WDR7: variants seen among roughly 807,000 people sequenced by gnomAD.
The protein encoded by WDR7 is WD repeat-containing protein 7.
WDR7 carries 46 observed loss-of-function variants against 169.4 expected under a neutral mutation model. That is an observed-to-expected ratio of 0.27 (90% confidence interval 0.21 to 0.35). The LOEUF (loss-of-function observed/expected upper bound fraction) is 0.35, where lower values mean the gene tolerates loss of function less well. Ranked by LOEUF, WDR7 falls within the 10% of genes least tolerant of loss-of-function variation. WDR7 has a pLI of 1.00. For missense variants in WDR7, 1,534 were observed against 1,859.3 expected (o/e 0.83, Z 3.22); for synonymous variants, 612 against 666.8 (o/e 0.92, Z 1.27).
At chr18:56,686,403 T>C (rs1009856052) in intron 6 of WDR7, among the ~76,000 whole-genome samples, 2 of 152,214 alleles carry the variant, frequency 1.3e-5, no homozygotes, top group South Asian at 4.1e-4. Flanking sequence ...AGTCATCTAT[T>C]TCAGTTCTTT....
chr18:56,967,193 A>ATGCTC (rs2047421965), intron 26 of WDR7, among the ~76,000 whole-genome samples: 1 of 151,674 alleles, frequency 6.6e-6, no homozygotes, highest in African/African-American at 2.4e-5. Flanking sequence ...GCTTGGGTGG[A>ATGCTC]AAAGTTGAAG....
intron 2 of WDR7, among the ~76,000 whole-genome samples, chr18:56,673,481 T>C (rs1489995124): frequency 6.6e-6 from 1 of 152,162 alleles, no homozygotes; most frequent in Non-Finnish European, 1.5e-5. Flanking sequence ...GCGCGGCCAT[T>C]ACCAAGGTCA....
intron 23 of WDR7, among the ~76,000 whole-genome samples, chr18:56,937,646 G>A (rs1463657486): frequency 6.6e-6 from 1 of 152,022 alleles, no homozygotes; most frequent in East Asian, 1.9e-4. Context: ...ATTATTTTTG[G>A]AGGCATGTTC....
chr18:56,876,306 AG>A (rs1239960370), intron 20 of WDR7, among the ~76,000 whole-genome samples: 1 of 152,186 alleles, frequency 6.6e-6, no homozygotes, highest in African/African-American at 2.4e-5. Context: ...TGGGTGGATT[AG>A]TATTAGAAAG....
At chr18:56,820,264 T>G (rs1455389049) in intron 20 of WDR7, among the ~76,000 whole-genome samples, 1 of 140,886 alleles carries the variant, frequency 7.1e-6, no homozygotes, top group Non-Finnish European at 1.5e-5. Flanking sequence ...TTTGGTGTCT[T>G]ACCTCTTGTT....
chr18:56,812,685 C>G (rs1219064745), intron 19 of WDR7, among the ~76,000 whole-genome samples: 1 of 152,102 alleles, frequency 6.6e-6, no homozygotes, highest in African/African-American at 2.4e-5. Flanking sequence ...TCCTGGAGTC[C>G]AAAGGCTAGA....
chr18:56,708,022 G>A (rs1041003641), intron 12 of WDR7, among the ~76,000 whole-genome samples: 4 of 144,470 alleles, frequency 2.8e-5, no homozygotes, highest in Non-Finnish European at 6.1e-5. Context: ...TGAATTCAGT[G>A]TTTATTCCTT....
At chr18:56,818,334 C>T (rs1185115643) in intron 20 of WDR7, among the ~76,000 whole-genome samples, 1 of 152,184 alleles carries the variant, frequency 6.6e-6, no homozygotes, top group African/African-American at 2.4e-5. Context: ...GATAGCATTA[C>T]AGTATATGAT....
intron 26 of WDR7, among the ~76,000 whole-genome samples, chr18:56,970,289 GAATGAATACAACATTC>G (rs1478951319): frequency 6.7e-5 from 10 of 149,210 alleles, no homozygotes; most frequent in African/African-American, 2.5e-4. Context: ...ACTAGTAGTA[GAATGAATACAACATTC>G]AAGATTATAC....
chr18:57,006,221 G>A (rs925408387), intron 26 of WDR7, among the ~76,000 whole-genome samples: 1 of 152,068 alleles, frequency 6.6e-6, no homozygotes, highest in African/African-American at 2.4e-5. Flanking sequence ...GTAATTATGA[G>A]CAGATTACTA....
chr18:56,730,123 T>C (rs2026549839), intron 13 of WDR7, among the ~76,000 whole-genome samples: 2 of 152,218 alleles, frequency 1.3e-5, no homozygotes, highest in African/African-American at 4.8e-5. Context: ...GTGCCTCCAA[T>C]GTGCTGGGCA....
chr18:56,693,295 G>A (rs539329590), intron 9 of WDR7, among the ~76,000 whole-genome samples: 10 of 152,122 alleles, frequency 6.6e-5, no homozygotes, highest in South Asian at 2.1e-4. Flanking sequence ...GTAATCCTCC[G>A]AATTTTAGTA....
intron 5 of WDR7, among the ~76,000 whole-genome samples, chr18:56,685,679 G>C (rs982007964): frequency 6.6e-6 from 1 of 152,138 alleles, no homozygotes; most frequent in African/African-American, 2.4e-5. Flanking sequence ...TGTTAACATA[G>C]TAATCAAGAA....
At chr18:56,762,954 TG>T (rs1285047341) in intron 16 of WDR7, among the ~76,000 whole-genome samples, 1 of 151,824 alleles carries the variant, frequency 6.6e-6, no homozygotes, top group African/African-American at 2.4e-5. Flanking sequence ...TTTGTTTGTT[TG>T]TTTTTTTGTT....
chr18:56,861,996 G>C (rs909853010), intron 20 of WDR7, among the ~76,000 whole-genome samples: 2 of 151,862 alleles, frequency 1.3e-5, no homozygotes, highest in African/African-American at 4.8e-5. Flanking sequence ...TGATGTTTAA[G>C]GGGTAAATGA....
intron 21 of WDR7, among the ~76,000 whole-genome samples, chr18:56,883,003 G>A (rs1014469550): frequency 2.0e-5 from 3 of 151,986 alleles, no homozygotes; most frequent in Admixed American, 6.6e-5. Flanking sequence ...TGGGTGGATC[G>A]GGAGGTCAGG....
At position 56,756,887 on chromosome 18, in the gene WDR7, A is replaced by C. The variant is rs2043899963; in HGVS notation, c.2294A>C (p.Asp765Ala). 8 of 1,614,084 alleles carry C rather than the reference A, an allele frequency of 5.0e-6. No individual in the cohort carries two copies. In the East Asian group the frequency reaches 1.8e-4, roughly 36 times the overall value. ...CACCTCCTTGATGATGAAGAGGAGGATGAGGAGATAATGAGGCAGAGAAGG... is the reference window on the plus strand; with the variant it reads ...CACCTCCTTGATGATGAAGAGGAGGCTGAGGAGATAATGAGGCAGAGAAGG... ...KEHLLDDEEE[D>A]EEIMRQRREE... is the part of the protein sequence containing the mutation. The change falls in exon 15 of 28, where the codon GAT (aspartate) becomes GCT (alanine). Residue 765 changes from aspartate (D) to alanine (A), a missense_variant. Transcript: ENST00000254442.
chr18:56,751,289 G>T (rs756387374), intron 14 of WDR7, among the ~76,000 whole-genome samples: 19 of 152,266 alleles, frequency 1.2e-4, no homozygotes, highest in Middle Eastern at 3.4e-3. Context: ...TGCCGAAAGC[G>T]GGCATGTGGG....
At chr18:56,697,464 G>T (rs773358189) in intron 12 of WDR7, among the ~76,000 whole-genome samples, 73 of 152,136 alleles carry the variant, frequency 4.8e-4, no homozygotes, top group Non-Finnish European at 9.3e-4. Context: ...TTTCCTGGCA[G>T]ATTTGCAAAT....
Sources: gnomAD v4.1 joint callset for allele counts (sites outside exome capture counted in the v4.1 genomes callset) on GRCh38, gnomAD v4.1.1 for gene constraint, MANE v1.5 for transcripts, NCBI Gene and HGNC (gene_info 2026-07-23, HGNC 2026-07-21) for gene names.